PARN: variants seen among roughly 807,000 people sequenced by gnomAD.
The protein encoded by PARN is poly(A)-specific ribonuclease PARN.
A neutral mutation model predicts 102.8 loss-of-function variants in PARN; 71 were observed. The observed-to-expected ratio is 0.69, with a 90% CI of 0.57 to 0.84. The LOEUF (loss-of-function observed/expected upper bound fraction) is 0.84. Among genes scored for constraint, PARN ranks in the 40% least tolerant of loss-of-function variants. The pLI, the probability that PARN is intolerant of heterozygous loss-of-function variation, is 0.00. For missense variants in PARN, 782 were observed against 760.9 expected (o/e 1.03, Z -0.33); for synonymous variants, 261 against 252.9 (o/e 1.03, Z -0.30).
chr16:14,466,459 C>T (rs1329183155), intron 22 of PARN, among the ~76,000 whole-genome samples: 1 of 152,170 alleles, frequency 6.6e-6, no homozygotes, highest in Non-Finnish European at 1.5e-5. Flanking sequence ...TACGATTTGG[C>T]TTTATGACCT....
rs935057107 is a variant in PARN, at chr16:14,519,851, A to G, written c.1480+32170T>C. Among the ~76,000 whole-genome samples, 4 of 152,344 alleles carry G rather than the reference A, an allele frequency of 2.6e-5. No homozygotes were observed. The South Asian group carries it at 8.3e-4, about 32-fold the overall frequency. ...TCTTTATAGATATATTCCAACTAATAAAAGAAAAAGGCATGCTAGAATTAC... is the reference window on the plus strand; with the variant it reads ...TCTTTATAGATATATTCCAACTAATGAAAGAAAAAGGCATGCTAGAATTAC... On this transcript the variant is annotated intron_variant, in intron 21 of 23. Transcript: ENST00000437198.
chr16:14,484,402 A>G (rs1446574323), intron 21 of PARN, among the ~76,000 whole-genome samples: 1 of 152,108 alleles, frequency 6.6e-6, no homozygotes, highest in Non-Finnish European at 1.5e-5. Context: ...AACAACTATT[A>G]CCCACACTGG....
chr16:14,499,174 G>A (rs1372362941), intron 21 of PARN, among the ~76,000 whole-genome samples: 1 of 152,158 alleles, frequency 6.6e-6, no homozygotes, highest in East Asian at 1.9e-4. Context: ...CCTGTTACGG[G>A]GGCTGTTGCT....
At chr16:14,596,064 T>C (rs1255785317) in intron 12 of PARN, among the ~76,000 whole-genome samples, 1 of 152,200 alleles carries the variant, frequency 6.6e-6, no homozygotes, top group African/African-American at 2.4e-5. Flanking sequence ...ATATGGTTCT[T>C]AGTTCTGTCC....
chr16:14,595,302 C>T (rs1355858159), intron 12 of PARN, among the ~76,000 whole-genome samples: 1 of 152,116 alleles, frequency 6.6e-6, no homozygotes, highest in African/African-American at 2.4e-5. Flanking sequence ...TGGTATTGTA[C>T]TGGAATCTGA....
intron 18 of PARN, among the ~76,000 whole-genome samples, chr16:14,571,856 C>G (rs761484490): frequency 6.6e-5 from 10 of 152,184 alleles, no homozygotes; most frequent in Non-Finnish European, 1.0e-4. Flanking sequence ...TAATAAGGAG[C>G]AGAGCCGGGA....
At position 14,584,433 on chromosome 16, in the gene PARN, C is replaced by G. The variant is rs746114163; in HGVS notation, c.1006-11G>C. The G allele has an allele frequency of 6.2e-7, 1 of 1,606,610 alleles. No individual in the cohort carries two copies. The highest frequency in any genetic ancestry group is 8.5e-7 in the Non-Finnish European group (1 of 1,174,236). On this transcript the variant is annotated splice_polypyrimidine_tract_variant and intron_variant, in intron 15 of 23. Transcript: ENST00000437198. ...GTTGTTAATGATATCCTGCAAACCA[C>G]GAAGCAAAGAATTATGAGATTTCAT...
At chr16:14,496,977 C>T (rs891294591) in intron 21 of PARN, among the ~76,000 whole-genome samples, 2 of 152,190 alleles carry the variant, frequency 1.3e-5, no homozygotes, top group African/African-American at 4.8e-5. Context: ...TGTCACCGTG[C>T]TGGACTGCCG....
intron 22 of PARN, among the ~76,000 whole-genome samples, chr16:14,480,930 C>A (rs930478102): frequency 1.4e-5 from 2 of 147,960 alleles, no homozygotes; most frequent in Non-Finnish European, 3.0e-5. Flanking sequence ...AAGAGCAAGA[C>A]CTGCCTCAAA....
intron 21 of PARN, among the ~76,000 whole-genome samples, chr16:14,518,165 G>GAGAT (rs1221246932): frequency 6.7e-6 from 1 of 149,404 alleles, no homozygotes; most frequent in East Asian, 2.0e-4. Context: ...CAAATTAAAA[G>GAGAT]AGATAGAGAA....
chr16:14,628,306 T>C, intron 2 of PARN, 55 bp from the exon 3 acceptor site: 3 of 976,744 alleles, frequency 3.1e-6, no homozygotes, highest in Admixed American at 4.0e-5. Flanking sequence ...AACGTAAAAA[T>C]GCCAGTCAAT....
chr16:14,561,087 G>A (rs991264903), intron 18 of PARN, among the ~76,000 whole-genome samples: 1 of 151,118 alleles, frequency 6.6e-6, no homozygotes, highest in Admixed American at 6.6e-5. Context: ...AACCCAGGAG[G>A]CGAAGGCTGC....
chr16:14,505,220 T>G (rs1319074861), intron 21 of PARN, among the ~76,000 whole-genome samples: 1 of 152,244 alleles, frequency 6.6e-6, no homozygotes, highest in African/African-American at 2.4e-5. Flanking sequence ...AATTAAATGT[T>G]AATGCTTCTG....
At chr16:14,622,112 G>T (rs903733966) in intron 5 of PARN, among the ~76,000 whole-genome samples, 2 of 151,988 alleles carry the variant, frequency 1.3e-5, no homozygotes, top group African/African-American at 4.8e-5. Flanking sequence ...AGAATCACTT[G>T]AACTCGGGAG....
At chr16:14,531,916 A>AG (rs202125862) in intron 21 of PARN, among the ~76,000 whole-genome samples, 5,547 of 147,970 alleles carry the variant, frequency 0.037, 113 homozygotes, top group African/African-American at 0.041. Context: ...AAAAAAAAAA[A>AG]GGCAGGCATG....
At chr16:14,560,886 T>C (rs560837735) in intron 18 of PARN, among the ~76,000 whole-genome samples, 1 of 152,230 alleles carries the variant, frequency 6.6e-6, no homozygotes, top group Non-Finnish European at 1.5e-5. Context: ...CCGGGCGCGG[T>C]GGCTCACGCC....
chr16:14,592,599 A>G (rs1970265854), intron 13 of PARN, among the ~76,000 whole-genome samples: 1 of 152,210 alleles, frequency 6.6e-6, no homozygotes, highest in Admixed American at 6.5e-5. Context: ...AGGTCAGCAG[A>G]GAATCTAAGG....
chr16:14,549,610 A>C (rs1263318760), intron 21 of PARN, among the ~76,000 whole-genome samples: 2 of 152,268 alleles, frequency 1.3e-5, no homozygotes, highest in African/African-American at 4.8e-5. Context: ...GTGGTATAAC[A>C]GGAATTTTAA....
rs144715977 is a variant in PARN at position 14,497,950 on chromosome 16, C to A, written c.1481-15123G>T. Among the ~76,000 whole-genome samples, 18 of 151,902 alleles carry A rather than the reference C, an allele frequency of 1.2e-4. No homozygotes were observed. The East Asian group carries it at 2.9e-3, about 24-fold the overall frequency. On this transcript the variant is annotated intron_variant, in intron 21 of 23. Coordinates refer to ENST00000437198, the MANE Select transcript of PARN (RefSeq NM_002582.4). ...ACCATCCTGGCCAACATGATGAAACCCTGTTTCTACTAAAAATACAGAAAT... is the reference window on the plus strand; with the variant it reads ...ACCATCCTGGCCAACATGATGAAACACTGTTTCTACTAAAAATACAGAAAT...
Sources: allele counts gnomAD v4.1 joint callset (sites outside exome capture counted in the v4.1 genomes callset), GRCh38; gene constraint gnomAD v4.1.1; transcripts MANE v1.5; gene names NCBI Gene and HGNC (gene_info 2026-07-23, HGNC 2026-07-21).